Variants in GALNTL5 observed in about 807,000 individuals in gnomAD.
GALNTL5 encodes inactive polypeptide N-acetylgalactosaminyltransferase-like protein 5.
A neutral mutation model predicts 51.0 loss-of-function variants in GALNTL5; 44 were observed. The ratio of observed to expected loss-of-function variants is 0.86; its 90% CI spans 0.68 to 1.11. GALNTL5 has a LOEUF of 1.11. Among genes scored for constraint, GALNTL5 ranks in the 50% least tolerant of loss-of-function variants. The probability of loss-of-function intolerance (pLI) is 0.00; values close to 1 mark genes in which losing one functional copy is unlikely to be tolerated. For missense variants in GALNTL5, 528 were observed against 531.8 expected, an observed-to-expected ratio of 0.99 and a Z score of 0.07; for synonymous variants, 192 against 182.8, an observed-to-expected ratio of 1.05 and a Z score of -0.41.
chr7:151,957,263 G>C (rs1315228404), intron 1 of GALNTL5, among the ~76,000 whole-genome samples: 1 of 151,666 alleles, frequency 6.6e-6, no homozygotes, highest in Non-Finnish European at 1.5e-5. Context: ...TAAAAACTTG[G>C]CCAGGCATGG....
intron 5 of GALNTL5, among the ~76,000 whole-genome samples, chr7:151,989,416 GT>G (rs1191195185): frequency 2.0e-5 from 3 of 152,176 alleles, no homozygotes; most frequent in African/African-American, 7.2e-5. Context: ...GCCTCCCAAA[GT>G]GTTGAGATTA....
rs774536647 is a variant in GALNTL5 at position 151,971,079 on chromosome 7, CTCTT to C, written c.368+18_368+21del. 1.2e-5 allele frequency: 19 copies of C among 1,591,230 alleles called. No homozygotes were observed. The highest frequency in any genetic ancestry group is 2.2e-5 in the South Asian group (2 of 90,418). Reference sequence around the variant, plus strand: ...CAGGAGTAAAATGTATGTTGTCTCTCTCTTTCTCTCATTCTCTAGATAGATAGAT... The same window carrying C: ...CAGGAGTAAAATGTATGTTGTCTCTCTCTCTCATTCTCTAGATAGATAGAT... On this transcript the variant is annotated intron_variant, in intron 3 of 8. Transcript: ENST00000392800.
chr7:151,980,587 A>G (rs904196336), intron 3 of GALNTL5, among the ~76,000 whole-genome samples: 5 of 151,886 alleles, frequency 3.3e-5, no homozygotes, highest in Admixed American at 3.3e-4. Flanking sequence ...TTGGATAAAA[A>G]GGAAGACGAG....
intron 3 of GALNTL5, among the ~76,000 whole-genome samples, chr7:151,974,880 T>C (rs1024530917): frequency 1.3e-5 from 2 of 152,186 alleles, no homozygotes; most frequent in Non-Finnish European, 2.9e-5. Context: ...GACTTGGCAG[T>C]TTTAATATTT....
chr7:151,989,585 C>T (rs2081401567), intron 5 of GALNTL5, among the ~76,000 whole-genome samples: 1 of 152,072 alleles, frequency 6.6e-6, no homozygotes, highest in Admixed American at 6.6e-5. Context: ...ATTGATTGTG[C>T]CTGTAAGATA....
chr7:151,991,101 T>C (rs750029343), intron 5 of GALNTL5, among the ~76,000 whole-genome samples: 1 of 147,206 alleles, frequency 6.8e-6, no homozygotes, highest in African/African-American at 2.7e-5. Flanking sequence ...TGTTGTTGTT[T>C]GTTGTTGTTG....
chr7:151,968,637 G>C, intron 2 of GALNTL5, among the ~76,000 whole-genome samples: 1 of 152,188 alleles, frequency 6.6e-6, no homozygotes, highest in South Asian at 2.1e-4. Flanking sequence ...AGTGCCAGGG[G>C]GACAGTGTTG....
chr7:151,985,471 G>T (rs1377018031), intron 4 of GALNTL5, among the ~76,000 whole-genome samples: 1 of 152,092 alleles, frequency 6.6e-6, no homozygotes, highest in Non-Finnish European at 1.5e-5. Context: ...CTTCATCATG[G>T]GTTTAAGGAC....
In GALNTL5 at chr7:152,019,824, T is replaced by C. The variant is rs2081868356; in HGVS notation, c.*23T>C. 6.3e-7 allele frequency: 1 copy of C among 1,591,854 alleles called. No homozygotes were observed. Among genetic ancestry groups the C allele is most frequent in the Non-Finnish European group, 8.6e-7 (1 of 1,164,372 alleles). The stretch of plus-strand genomic sequence containing the variant: ...TGAAAGGAAAACAAATCACTTTCAT[T>C]AATAAAGGGTTAAAAGTCTCCTAGT... On this transcript the variant is annotated 3_prime_UTR_variant, in exon 9 of 9. Transcript: ENST00000392800.
chr7:151,991,113 G>C (rs2081424184), intron 5 of GALNTL5, among the ~76,000 whole-genome samples: 1 of 151,850 alleles, frequency 6.6e-6, no homozygotes, highest in Non-Finnish European at 1.5e-5. Flanking sequence ...TTGTTGTTGA[G>C]ATGGAGTCTC....
intron 1 of GALNTL5, among the ~76,000 whole-genome samples, chr7:151,961,793 G>A (rs2080995175): frequency 6.6e-6 from 1 of 152,116 alleles, no homozygotes; most frequent in South Asian, 2.1e-4. Context: ...TATCCATGCT[G>A]TTTGATATGG....
intron 5 of GALNTL5, among the ~76,000 whole-genome samples, chr7:151,989,175 A>G (rs2081396823): frequency 6.7e-6 from 1 of 149,848 alleles, no homozygotes; most frequent in Admixed American, 6.7e-5. Context: ...TTTTTTAGAC[A>G]GTCTCGCTCT....
rs184238215 is a variant in GALNTL5 at position 151,996,330 on chromosome 7, G to A, written c.659-6384G>A. On this transcript the variant is annotated intron_variant, in intron 5 of 8. Coordinates refer to ENST00000392800, the MANE Select transcript of GALNTL5 (RefSeq NM_145292.4). Reference sequence around the variant, plus strand: ...CCATTAACTCATCATTTAGCATTAGGTATGTCTCCTAATGCTATCCCTCCC... The same window carrying A: ...CCATTAACTCATCATTTAGCATTAGATATGTCTCCTAATGCTATCCCTCCC... Among the ~76,000 whole-genome samples, 952 of 151,948 alleles carry A rather than the reference G, an allele frequency of 6.3e-3. 10 individuals carry two copies. The highest frequency in any genetic ancestry group is 0.022 in the African/African-American group (922 of 41,384).
At chr7:151,978,634 A>G (rs563094273) in intron 3 of GALNTL5, among the ~76,000 whole-genome samples, 1 of 152,310 alleles carries the variant, frequency 6.6e-6, no homozygotes, top group East Asian at 1.9e-4. Context: ...AACAAAAATT[A>G]TTCTCTCTCA....
chr7:151,989,714 G>T (rs2081403071), intron 5 of GALNTL5, among the ~76,000 whole-genome samples: 1 of 152,134 alleles, frequency 6.6e-6, no homozygotes, highest in Non-Finnish European at 1.5e-5. Context: ...CAGATAAATT[G>T]CCCTTTCTCT....
At chr7:151,979,667 G>A (rs2081254979) in intron 3 of GALNTL5, among the ~76,000 whole-genome samples, 1 of 152,106 alleles carries the variant, frequency 6.6e-6, no homozygotes, top group Non-Finnish European at 1.5e-5. Flanking sequence ...ATGTTAGCCA[G>A]GCTGGTCTTG....
rs61288964 is a variant in GALNTL5, at chr7:151,980,737, ATTTTTT to A, written c.369-2228_369-2223del. Among the ~76,000 whole-genome samples the A allele has an allele frequency of 6.9e-4, 68 of 98,956 alleles. 5 individuals carry two copies. The highest frequency in any genetic ancestry group is 7.0e-3 in the Middle Eastern group (1 of 142). 64.9% of individuals were successfully genotyped at this position (98,956 alleles called of 152,430 possible). ...CCGTGTGATTGCAGTGCTAACAATG[ATTTTTT>A]TTTTTTTTTTTTTTTTTTTTGAGAT... is the stretch of plus-strand genomic sequence containing the variant. On this transcript the variant is annotated intron_variant, in intron 3 of 8. Coordinates refer to ENST00000392800, the MANE Select transcript of GALNTL5 (RefSeq NM_145292.4).
intron 3 of GALNTL5, among the ~76,000 whole-genome samples, chr7:151,980,635 G>A (rs895309468): frequency 1.3e-5 from 2 of 151,622 alleles, no homozygotes; most frequent in Non-Finnish European, 2.9e-5. Context: ...TTCATTTTGT[G>A]AGTACCCTGA....
In GALNTL5 at chr7:151,999,486, A is replaced by G. The variant is rs76457591; in HGVS notation, c.659-3228A>G. 9.9e-3 allele frequency among the ~76,000 whole-genome samples: 1,513 copies of G among 152,302 alleles called. 23 individuals carry two copies. Among genetic ancestry groups the G allele is most frequent in the African/African-American group, 0.032 (1,336 of 41,548 alleles). On this transcript the variant is annotated intron_variant, in intron 5 of 8. Transcript: ENST00000392800. ...TACACTCCCACCAGCAATGTGTAAGAGTTCAAATTTCTCCATATCCCTGCC... is the reference window on the plus strand; with the variant it reads ...TACACTCCCACCAGCAATGTGTAAGGGTTCAAATTTCTCCATATCCCTGCC...
Sources: allele counts gnomAD v4.1 joint callset (sites outside exome capture counted in the v4.1 genomes callset), GRCh38; gene constraint gnomAD v4.1.1; transcripts MANE v1.5; gene names NCBI Gene and HGNC (gene_info 2026-07-23, HGNC 2026-07-21).